SGCZ: variants seen among roughly 807,000 people sequenced by gnomAD.
The protein encoded by SGCZ is zeta-sarcoglycan.
SGCZ carries 40 observed loss-of-function variants against 41.3 expected under a neutral mutation model. The observed-to-expected ratio is 0.97, with a 90% CI of 0.75 to 1.26. SGCZ has a LOEUF of 1.26. Among genes scored for constraint, SGCZ ranks in the 50% most tolerant of loss-of-function variants. The pLI is 0.00. For synonymous variants in SGCZ, 206 were observed against 137.5 expected (o/e 1.50, Z -3.49); for missense variants, 552 against 369.8 (o/e 1.49, Z -4.04).
chr8:14,783,571 A>T (rs575181983), intron 1 of SGCZ, among the ~76,000 whole-genome samples: 7 of 149,102 alleles, frequency 4.7e-5, no homozygotes, highest in African/African-American at 1.7e-4. Flanking sequence ...TAACTATAAC[A>T]TAATAATTTT....
intron 1 of SGCZ, among the ~76,000 whole-genome samples, chr8:14,638,325 G>C (rs1585144883): frequency 6.6e-6 from 1 of 151,944 alleles, no homozygotes; most frequent in African/African-American, 2.4e-5. Flanking sequence ...TTGAATGAAT[G>C]AACTAATTCC....
At chr8:14,177,019 A>C (rs921391490) in intron 4 of SGCZ, among the ~76,000 whole-genome samples, 3 of 152,132 alleles carry the variant, frequency 2.0e-5, no homozygotes, top group Non-Finnish European at 2.9e-5. Flanking sequence ...TACATCACCA[A>C]GGTTTTGTGT....
Position 14,417,418 on chromosome 8 carries a change from G to C in SGCZ, c.235-93214C>G, listed in dbSNP as rs183232066. ...TTTTTTACTCTTTGATTACACCTAA[G>C]ATTATTTTTTCACTCTTTCCTCCAA... On this transcript the variant is annotated intron_variant, in intron 2 of 7. Transcript: ENST00000382080. 3.6e-4 allele frequency among the ~76,000 whole-genome samples: 54 copies of C among 151,762 alleles called. No individual in the cohort carries two copies. The Middle Eastern group carries it at 0.01, about 29-fold the overall frequency.
chr8:15,225,928 C>G (rs1354342421), intron 1 of SGCZ, among the ~76,000 whole-genome samples: 2 of 152,148 alleles, frequency 1.3e-5, no homozygotes, highest in African/African-American at 2.4e-5. Context: ...AATCCCATGC[C>G]TGCTTTGATC....
intron 2 of SGCZ, among the ~76,000 whole-genome samples, chr8:14,372,721 C>T (rs1173294240): frequency 2.6e-5 from 4 of 151,914 alleles, no homozygotes; most frequent in Non-Finnish European, 4.4e-5. Context: ...ATAAGAAATG[C>T]GAAGACTCAG....
intron 1 of SGCZ, among the ~76,000 whole-genome samples, chr8:14,591,827 G>A (rs1297053848): frequency 6.6e-6 from 1 of 152,092 alleles, no homozygotes; most frequent in African/African-American, 2.4e-5. Flanking sequence ...TGTCTCTTCT[G>A]ATAGTGCAAT....
chr8:15,219,355 A>G (rs1801515762), intron 1 of SGCZ, among the ~76,000 whole-genome samples: 1 of 152,182 alleles, frequency 6.6e-6, no homozygotes, highest in Non-Finnish European at 1.5e-5. Flanking sequence ...GTTAAAATAC[A>G]TTGCTGAGTC....
At chr8:14,379,636 T>A (rs901005644) in intron 2 of SGCZ, among the ~76,000 whole-genome samples, 3 of 152,080 alleles carry the variant, frequency 2.0e-5, no homozygotes, top group African/African-American at 7.2e-5. Flanking sequence ...TTTATATAAA[T>A]AAGCATGTAA....
At chr8:14,181,804 C>G (rs1804737519) in intron 4 of SGCZ, among the ~76,000 whole-genome samples, 1 of 152,178 alleles carries the variant, frequency 6.6e-6, no homozygotes, top group South Asian at 2.1e-4. Context: ...AAACATCTTC[C>G]CTTTATAAAT....
intron 1 of SGCZ, among the ~76,000 whole-genome samples, chr8:15,012,542 A>C (rs941075709): frequency 2.5e-5 from 3 of 118,538 alleles, no homozygotes; most frequent in African/African-American, 8.8e-5. Context: ...ACATATAAAA[A>C]TATGAATATT....
At chr8:14,875,717 G>C (rs1804332576) in intron 1 of SGCZ, among the ~76,000 whole-genome samples, 1 of 152,126 alleles carries the variant, frequency 6.6e-6, no homozygotes, top group African/African-American at 2.4e-5. Context: ...AAGTGAATGA[G>C]CTGTGATACG....
rs1803089682 is a variant in SGCZ at position 14,133,045 on chromosome 8, A to C, written c.548-24810T>G. 2.0e-5 allele frequency among the ~76,000 whole-genome samples: 3 copies of C among 152,156 alleles called. No individual in the cohort carries two copies. The South Asian group carries it at 6.2e-4, about 32-fold the overall frequency. The stretch of plus-strand genomic sequence containing the variant: ...CACACAAACAAAACCAAAATGAATA[A>C]AAAAACCACGTTTCTCAGTTATTGC... On this transcript the variant is annotated intron_variant, in intron 5 of 7. Transcript: ENST00000382080.
intron 1 of SGCZ, among the ~76,000 whole-genome samples, chr8:15,110,027 G>A (rs1806984679): frequency 6.6e-6 from 1 of 152,136 alleles, no homozygotes; most frequent in Non-Finnish European, 1.5e-5. Flanking sequence ...TGAGGCCACA[G>A]GGACATTTTC....
At chr8:14,854,145 AT>A (rs1803459304) in intron 1 of SGCZ, among the ~76,000 whole-genome samples, 1 of 150,352 alleles carries the variant, frequency 6.7e-6, no homozygotes, top group Admixed American at 6.7e-5. Context: ...ATTGAAATAC[AT>A]TATTGTTATT....
At chr8:14,577,931 A>T (rs1804764613) in intron 1 of SGCZ, among the ~76,000 whole-genome samples, 1 of 152,324 alleles carries the variant, frequency 6.6e-6, no homozygotes, top group Admixed American at 6.5e-5. Context: ...AAAAGAGTAT[A>T]ATCATTGTTG....
chr8:14,968,170 C>T (rs1474053431), intron 1 of SGCZ, among the ~76,000 whole-genome samples: 3 of 152,092 alleles, frequency 2.0e-5, no homozygotes, highest in African/African-American at 7.2e-5. Context: ...TCAGAATCCC[C>T]CTTCCATATG....
intron 1 of SGCZ, among the ~76,000 whole-genome samples, chr8:15,153,219 T>G (rs1009027683): frequency 3.3e-5 from 5 of 151,572 alleles, no homozygotes; most frequent in African/African-American, 1.2e-4. Flanking sequence ...TTAATTCTCT[T>G]GTAAATCCAG....
At chr8:14,616,351 T>G (rs1806105893) in intron 1 of SGCZ, among the ~76,000 whole-genome samples, 1 of 151,896 alleles carries the variant, frequency 6.6e-6, no homozygotes, top group Admixed American at 6.6e-5. Context: ...ACCATTACAA[T>G]ACACTAAATA....
chr8:15,206,324 A>G (rs2054055), intron 1 of SGCZ, among the ~76,000 whole-genome samples: 128,127 of 152,066 alleles, frequency 0.84, 54,341 homozygotes, highest in Non-Finnish European at 0.9. Context: ...AGGGGTTTCT[A>G]GGAAGGGCAC....
Sources: gnomAD v4.1 joint callset for allele counts (sites outside exome capture counted in the v4.1 genomes callset) on GRCh38, gnomAD v4.1.1 for gene constraint, MANE v1.5 for transcripts, NCBI Gene and HGNC (gene_info 2026-07-23, HGNC 2026-07-21) for gene names.